LRRC4C: variants seen among roughly 807,000 people sequenced by gnomAD.
The protein encoded by LRRC4C is leucine rich repeat containing 4C, also known as leucine-rich repeat-containing protein 4C.
LRRC4C carries 5 observed loss-of-function variants against 33.6 expected under a neutral mutation model. The ratio of observed to expected loss-of-function variants is 0.15; its 90% CI spans 0.08 to 0.31. The LOEUF is 0.31. Among genes scored for constraint, LRRC4C ranks in the 10% least tolerant of loss-of-function variants. The pLI is 1.00. For synonymous variants in LRRC4C, 329 were observed against 302.0 expected, an observed-to-expected ratio of 1.09 and a Z score of -0.93; for missense variants, 560 against 796.7, an observed-to-expected ratio of 0.70 and a Z score of 3.58.
At chr11:41,016,963 C>T (rs1188615026) in intron 1 of LRRC4C, among the ~76,000 whole-genome samples, 1 of 152,032 alleles carries the variant, frequency 6.6e-6, no homozygotes, top group African/African-American at 2.4e-5. Flanking sequence ...TCATACAACT[C>T]GGATAATTTT....
chr11:41,438,885 A>G (rs1955525269), intron 1 of LRRC4C, among the ~76,000 whole-genome samples: 1 of 152,122 alleles, frequency 6.6e-6, no homozygotes, highest in South Asian at 2.1e-4. Flanking sequence ...GGTGTTTTTA[A>G]ATTTTTTTTT....
At chr11:40,382,548 G>A (rs574947779) in intron 3 of LRRC4C, among the ~76,000 whole-genome samples, 3 of 151,530 alleles carry the variant, frequency 2.0e-5, no homozygotes, top group African/African-American at 7.3e-5. Flanking sequence ...TTTATGATAA[G>A]AACACTTAAC....
At chr11:41,302,980 A>G (rs1950327091) in intron 1 of LRRC4C, among the ~76,000 whole-genome samples, 1 of 152,232 alleles carries the variant, frequency 6.6e-6, no homozygotes, top group Non-Finnish European at 1.5e-5. Flanking sequence ...AGGCAAAAGC[A>G]AAAATCAGCA....
At position 41,224,689 on chromosome 11, in the gene LRRC4C, C is replaced by A. The variant is rs184527549; in HGVS notation, c.-496+234742G>T. Among the ~76,000 whole-genome samples, 255 of 152,280 alleles carry A rather than the reference C, an allele frequency of 1.7e-3. 1 individual carries two copies. Among genetic ancestry groups the A allele is most frequent in the Middle Eastern group, 6.8e-3 (2 of 294 alleles). The stretch of plus-strand genomic sequence containing the variant: ...ACTGTATTCAATCTTGAAATGTCAA[C>A]GTACTCATTAGCCTATGGCTATAAT... On this transcript the variant is annotated intron_variant, in intron 1 of 6. Transcript: ENST00000528697.
rs990323749 is a variant in LRRC4C at position 41,155,322 on chromosome 11, T to G, written c.-495-221599A>C. Among the ~76,000 whole-genome samples the G allele has an allele frequency of 1.1e-4, 17 of 152,250 alleles. No individual in the cohort carries two copies. The Middle Eastern group carries it at 0.01, about 91-fold the overall frequency. ...TTGCTGGAAACAAGGAGACTTCACT[T>G]GAAGTTCCCTTAGCAAGAACATATT... On this transcript the variant is annotated intron_variant, in intron 1 of 6. Coordinates refer to ENST00000528697, the MANE Select transcript of LRRC4C (RefSeq NM_001258419.2).
chr11:41,209,989 A>G (rs1946756061), intron 1 of LRRC4C, among the ~76,000 whole-genome samples: 1 of 152,158 alleles, frequency 6.6e-6, no homozygotes, highest in Admixed American at 6.5e-5. Context: ...CTCTGCATGC[A>G]CATAGAGGAA....
At chr11:40,624,910 T>C (rs1433590689) in intron 3 of LRRC4C, among the ~76,000 whole-genome samples, 1 of 152,112 alleles carries the variant, frequency 6.6e-6, no homozygotes, top group East Asian at 1.9e-4. Flanking sequence ...AGGTCATTTA[T>C]TATTAGCAAA....
chr11:41,229,567 C>G (rs1050285203), intron 1 of LRRC4C, among the ~76,000 whole-genome samples: 2 of 152,108 alleles, frequency 1.3e-5, no homozygotes, highest in African/African-American at 4.8e-5. Flanking sequence ...CCTTCTCATA[C>G]TACATACAAA....
At chr11:41,092,379 T>C (rs914918222) in intron 1 of LRRC4C, among the ~76,000 whole-genome samples, 1 of 152,220 alleles carries the variant, frequency 6.6e-6, no homozygotes, top group African/African-American at 2.4e-5. Flanking sequence ...TAGTGCTCTA[T>C]GCCACAGGCA....
intron 1 of LRRC4C, among the ~76,000 whole-genome samples, chr11:40,984,148 GTAAA>G (rs779621239): frequency 1.1e-3 from 142 of 134,314 alleles, no homozygotes; most frequent in Non-Finnish European, 1.9e-3. Flanking sequence ...TAAGAAAAAA[GTAAA>G]GAAAGAAAGA....
intron 3 of LRRC4C, among the ~76,000 whole-genome samples, chr11:40,464,657 T>G (rs1590821703): frequency 6.6e-6 from 1 of 151,994 alleles, no homozygotes; most frequent in East Asian, 1.9e-4. Flanking sequence ...CATACAAAAT[T>G]GAGTAGCATA....
At chr11:40,596,441 T>C (rs1216336805) in intron 3 of LRRC4C, among the ~76,000 whole-genome samples, 1 of 150,912 alleles carries the variant, frequency 6.6e-6, no homozygotes, top group South Asian at 2.1e-4. Flanking sequence ...TTGTCATTTC[T>C]TTTTTTTCAG....
At chr11:41,312,077 C>G (rs1333434138) in intron 1 of LRRC4C, among the ~76,000 whole-genome samples, 1 of 152,184 alleles carries the variant, frequency 6.6e-6, no homozygotes, top group Non-Finnish European at 1.5e-5. Context: ...CTATGCCCCT[C>G]TATTGATATA....
chr11:40,239,363 A>G (rs1456587170), intron 5 of LRRC4C, among the ~76,000 whole-genome samples: 1 of 152,112 alleles, frequency 6.6e-6, no homozygotes, highest in African/African-American at 2.4e-5. Context: ...TGCCTCGTCC[A>G]CTACTTTGTA....
At chr11:41,418,832 A>T (rs530922605) in intron 1 of LRRC4C, among the ~76,000 whole-genome samples, 1 of 152,148 alleles carries the variant, frequency 6.6e-6, no homozygotes, top group East Asian at 1.9e-4. Context: ...GCATAAATTA[A>T]GGTCATAATA....
chr11:40,294,735 G>T (rs1944422351), intron 4 of LRRC4C, among the ~76,000 whole-genome samples: 1 of 152,102 alleles, frequency 6.6e-6, no homozygotes. Flanking sequence ...ACTGAGGCAG[G>T]ATAATTGCTT....
chr11:40,525,591 C>T (rs934022947), intron 3 of LRRC4C, among the ~76,000 whole-genome samples: 3 of 152,048 alleles, frequency 2.0e-5, no homozygotes, highest in Non-Finnish European at 4.4e-5. Flanking sequence ...AACTGAAAAC[C>T]ATGATTGAAA....
At chr11:40,651,958 T>C (rs962077836) in intron 2 of LRRC4C, among the ~76,000 whole-genome samples, 1 of 152,258 alleles carries the variant, frequency 6.6e-6, no homozygotes, top group Non-Finnish European at 1.5e-5. Context: ...TCTGTTCATT[T>C]TGTATCTGTA....
chr11:40,867,175 C>A (rs562369608), intron 2 of LRRC4C, among the ~76,000 whole-genome samples: 1 of 152,262 alleles, frequency 6.6e-6, no homozygotes, highest in Non-Finnish European at 1.5e-5. Flanking sequence ...AGCATTGCCT[C>A]GTTCACCAAC....
Sources: allele counts gnomAD v4.1 joint callset (sites outside exome capture counted in the v4.1 genomes callset), GRCh38; gene constraint gnomAD v4.1.1; transcripts MANE v1.5; gene names NCBI Gene and HGNC (gene_info 2026-07-23, HGNC 2026-07-21).